PCDHA9: variants seen among roughly 807,000 people sequenced by gnomAD.
PCDHA9 encodes protocadherin alpha-9.
A neutral mutation model predicts 62.0 loss-of-function variants in PCDHA9; 62 were observed. The ratio of observed to expected loss-of-function variants is 1.00; its 90% CI spans 0.81 to 1.23. PCDHA9 has a LOEUF of 1.23. Among genes scored for constraint, PCDHA9 ranks in the 50% most tolerant of loss-of-function variants. PCDHA9 has a pLI of 0.00. For synonymous variants in PCDHA9, 557 were observed against 567.6 expected (o/e 0.98, Z 0.27); for missense variants, 1,205 against 1,249.8 (o/e 0.96, Z 0.54).
rs2153793513 is a variant in PCDHA9, at chr5:140,972,346, C to T, written c.2395-6603C>T. Among the ~76,000 whole-genome samples, 6 of 151,468 alleles carry T rather than the reference C, an allele frequency of 4.0e-5. No homozygotes were observed. In the Middle Eastern group the frequency reaches 0.014, roughly 346 times the overall value. The stretch of plus-strand genomic sequence containing the variant: ...TTTTTTTTGGAAGAGATGGGGGTCT[C>T]ACTATGTTGCACATGCTGTTAGTAT... On this transcript the variant is annotated intron_variant, in intron 1 of 3. Transcript: ENST00000532602.
At chr5:140,862,971 A>T (rs1581664688) in intron 1 of PCDHA9, 1 of 544,766 alleles carries the variant, frequency 1.8e-6, no homozygotes, top group Non-Finnish European at 3.6e-6. Context: ...GATGCAGGCC[A>T]CTTGGTGGCG....
chr5:140,873,518 A>G (rs2054336624), intron 1 of PCDHA9, among the ~76,000 whole-genome samples: 1 of 152,200 alleles, frequency 6.6e-6, no homozygotes, highest in Non-Finnish European at 1.5e-5. Context: ...CTTAATGCCA[A>G]GATTGCATTC....
intron 1 of PCDHA9, among the ~76,000 whole-genome samples, chr5:140,896,062 C>T (rs781234487): frequency 1.1e-4 from 17 of 152,104 alleles, no homozygotes; most frequent in South Asian, 4.2e-4. Flanking sequence ...CCGCCTGCCT[C>T]GGCCTCCCAA....
intron 1 of PCDHA9, among the ~76,000 whole-genome samples, chr5:140,910,531 C>G (rs2153515118): frequency 6.6e-6 from 1 of 152,310 alleles, no homozygotes; most frequent in Admixed American, 6.5e-5. Flanking sequence ...ACTCCCCTCA[C>G]AAATCTATTT....
At position 140,851,264 on chromosome 5, in the gene PCDHA9, A is replaced by G. The variant is rs1170850164; in HGVS notation, c.2394+375A>G. The G allele has an allele frequency of 2.1e-5, 23 of 1,075,328 alleles. 1 individual carries two copies. The highest frequency in any genetic ancestry group is 4.3e-5 in the East Asian group (1 of 23,212). 66.6% of individuals were successfully genotyped at this position (1,075,328 alleles called of 1,614,324 possible). ...TAAATGATGCATAGTATTTTAGTCT[A>G]CTTGTATTGTTTATAAGAAACCCAA... On this transcript the variant is annotated intron_variant, in intron 1 of 3. Coordinates refer to ENST00000532602, the MANE Select transcript of PCDHA9 (RefSeq NM_031857.2).
At chr5:140,912,797 G>C (rs2076071117) in intron 1 of PCDHA9, among the ~76,000 whole-genome samples, 1 of 152,128 alleles carries the variant, frequency 6.6e-6, no homozygotes, top group South Asian at 2.1e-4. Flanking sequence ...CAATTTTCTT[G>C]AGGGTTTTTA....
intron 1 of PCDHA9, among the ~76,000 whole-genome samples, chr5:140,936,259 T>A (rs1327533719): frequency 6.6e-6 from 1 of 152,228 alleles, no homozygotes; most frequent in African/African-American, 2.4e-5. Context: ...CTTCAAGTCA[T>A]GAAGATATAT....
intron 1 of PCDHA9, among the ~76,000 whole-genome samples, chr5:140,914,956 T>C (rs2076915145): frequency 6.6e-6 from 1 of 150,718 alleles, no homozygotes; most frequent in African/African-American, 2.4e-5. Flanking sequence ...TTTTTTTTTT[T>C]TTTTTTCTGA....
Position 140,848,572 on chromosome 5 carries a change from T to C in PCDHA9, c.77T>C (p.Val26Ala). ...CTTCTGATCCTCGCAATGTGGGTGGTGGGGAGCGGCCAGCTCCACTACTCC... is the reference window on the plus strand; with the variant it reads ...CTTCTGATCCTCGCAATGTGGGTGGCGGGGAGCGGCCAGCTCCACTACTCC... ...LSLLILAMWV[V>A]GSGQLHYSVP... Residue 26 changes from valine (V) to alanine (A), a missense_variant, in exon 1 of 4, where the codon GTG becomes GCG. Physicochemically the swap from Val to Ala is moderately conservative, Grantham distance 64 (BLOSUM62 0). Coordinates refer to ENST00000532602, the MANE Select transcript of PCDHA9 (RefSeq NM_031857.2). The C allele has an allele frequency of 3.1e-6, 5 of 1,595,304 alleles. No individual in the cohort carries two copies. Among genetic ancestry groups the C allele is most frequent in the African/African-American group, 1.3e-5 (1 of 74,442 alleles).
chr5:140,998,393 C>A (rs1178528705), intron 3 of PCDHA9, among the ~76,000 whole-genome samples: 12 of 152,288 alleles, frequency 7.9e-5, no homozygotes, highest in African/African-American at 2.4e-4. Flanking sequence ...TTAATGCCAT[C>A]TTTATGCCAA....
At chr5:140,935,796 G>A (rs2090564598) in intron 1 of PCDHA9, among the ~76,000 whole-genome samples, 2 of 150,224 alleles carry the variant, frequency 1.3e-5, no homozygotes, top group African/African-American at 2.5e-5. Flanking sequence ...AAATATAAAC[G>A]AGATTATTTC....
intron 1 of PCDHA9, among the ~76,000 whole-genome samples, chr5:140,899,340 C>T (rs1199833845): frequency 6.6e-6 from 1 of 152,062 alleles, no homozygotes; most frequent in Non-Finnish European, 1.5e-5. Flanking sequence ...TCATAGATAG[C>T]TCTTATTATT....
chr5:140,929,164 GC>G (rs781931769), intron 1 of PCDHA9: 2 of 1,614,150 alleles, frequency 1.2e-6, no homozygotes, highest in Non-Finnish European at 1.7e-6. Context: ...TCTCTATCGG[GC>G]CTCTCTGGGA....
At chr5:140,861,560 C>T in intron 1 of PCDHA9, 2 of 391,164 alleles carry the variant, frequency 5.1e-6, no homozygotes, top group African/African-American at 2.1e-5. Flanking sequence ...TGATCGTGGA[C>T]AAGCTGCTAC....
rs2045560608 is a variant in PCDHA9 at position 140,858,685 on chromosome 5, T to G, written c.2394+7796T>G. The G allele has an allele frequency of 1.3e-5, 8 of 595,874 alleles. No homozygotes were observed. The South Asian group carries it at 1.9e-4, about 14-fold the overall frequency. 36.9% of individuals were successfully genotyped at this position (595,874 alleles called of 1,614,324 possible). On this transcript the variant is annotated intron_variant, in intron 1 of 3. Transcript: ENST00000532602. ...TAACAATTTATTCTGAATACACTAA[T>G]ATTTTCCAATACAAATATGTGATAT... is the stretch of plus-strand genomic sequence containing the variant.
At chr5:140,928,307 C>T in intron 1 of PCDHA9, 1 of 1,614,150 alleles carries the variant, frequency 6.2e-7, no homozygotes, top group Non-Finnish European at 8.5e-7. Context: ...GCCCAGGACC[C>T]CGACCTGGGG....
At chr5:140,881,025 C>A (rs1554171683) in intron 1 of PCDHA9, among the ~76,000 whole-genome samples, 1 of 152,216 alleles carries the variant, frequency 6.6e-6, no homozygotes, top group Admixed American at 6.5e-5. Context: ...ATAAACCCAA[C>A]AGTCATTTCC....
intron 1 of PCDHA9, among the ~76,000 whole-genome samples, chr5:140,897,478 G>T (rs1554187409): frequency 1.3e-5 from 2 of 151,844 alleles, no homozygotes; most frequent in African/African-American, 4.8e-5. Flanking sequence ...TGAGAATGAT[G>T]ATTTCCAATT....
At chr5:140,877,864 A>ATATT in intron 1 of PCDHA9, 1 of 1,500,280 alleles carries the variant, frequency 6.7e-7, no homozygotes, top group East Asian at 2.4e-5. Flanking sequence ...TTATTTAGAT[A>ATATT]TATTTGTTTC....
Sources: allele counts gnomAD v4.1 joint callset (sites outside exome capture counted in the v4.1 genomes callset), GRCh38; gene constraint gnomAD v4.1.1; transcripts MANE v1.5; gene names NCBI Gene and HGNC (gene_info 2026-07-23, HGNC 2026-07-21).